The following AK4 variants were observed in gnomAD, a reference collection of about 807,000 sequenced individuals.
The protein encoded by AK4 is adenylate kinase 4.
In AK4, 13 loss-of-function variants were observed where a neutral mutation model predicts 24.6. That is an observed-to-expected ratio of 0.53 (90% CI 0.34 to 0.84). AK4 has a LOEUF of 0.84. AK4 is among the 40% of genes least tolerant of loss of function. AK4 has a pLI of 0.01. For missense variants in AK4, 192 were observed against 288.2 expected, an observed-to-expected ratio of 0.67 and a Z score of 2.42; for synonymous variants, 88 against 107.0, an observed-to-expected ratio of 0.82 and a Z score of 1.10.
intron 3 of AK4, among the ~76,000 whole-genome samples, chr1:65,219,788 C>G (rs1652241731): frequency 6.6e-6 from 1 of 152,150 alleles, no homozygotes; most frequent in Non-Finnish European, 1.5e-5. Context: ...TTTTTATAGT[C>G]TATGGATTTT....
rs1407056653 is a variant in AK4 at position 65,231,198 on chromosome 1, AT to A, written c.*5022del. 1.7e-4 allele frequency: 26 copies of A among 152,336 alleles called. No homozygotes were observed. Among genetic ancestry groups the A allele is most frequent in the African/African-American group, 6.0e-4 (25 of 41,584 alleles). 9.4% of individuals were successfully genotyped at this position (152,336 alleles called of 1,614,324 possible). A position where few individuals can be genotyped will look rare whatever the true frequency, so the allele number is the denominator to read the frequency against. On this transcript the variant is annotated 3_prime_UTR_variant, in exon 5 of 5. Coordinates refer to ENST00000327299, the MANE Select transcript of AK4 (RefSeq NM_013410.4). ...AAGCCATATTTCAACTGTGAAAAAA[AT>A]CTGCTTCCTGCATCTGTTGAAATAT...
At position 65,226,044 on chromosome 1, in the gene AK4, GT is replaced by G. The variant is rs753356079; in HGVS notation, c.558-17del. On this transcript the variant is annotated intron_variant, in intron 4 of 4. Coordinates refer to ENST00000327299, the MANE Select transcript of AK4 (RefSeq NM_013410.4). Reference sequence around the variant, plus strand: ...AAAGAAACCTAAAAAGCCATTGTATGTTGGGCTTTGTTTTTCAGGAGCCGAG... The same window carrying G: ...AAAGAAACCTAAAAAGCCATTGTATGTGGGCTTTGTTTTTCAGGAGCCGAG... 9.3e-6 allele frequency: 15 copies of G among 1,611,288 alleles called. No homozygotes were observed. The African/African-American group carries it at 1.6e-4, about 17-fold the overall frequency.
At chr1:65,203,505 A>G (rs1651726290) in intron 2 of AK4, among the ~76,000 whole-genome samples, 1 of 152,164 alleles carries the variant, frequency 6.6e-6, no homozygotes, top group African/African-American at 2.4e-5. Flanking sequence ...TGGGCAAAGC[A>G]TAAAACCACC....
intron 2 of AK4, among the ~76,000 whole-genome samples, chr1:65,192,700 C>G (rs143292978): frequency 7.2e-5 from 11 of 152,300 alleles, no homozygotes; most frequent in African/African-American, 2.4e-4. Context: ...CCTGTGAAAT[C>G]AAAGCAAGTC....
chr1:65,191,186 C>T (rs1218656603), intron 2 of AK4, among the ~76,000 whole-genome samples: 2 of 152,184 alleles, frequency 1.3e-5, no homozygotes, highest in African/African-American at 2.4e-5. Flanking sequence ...TATTTTTCAC[C>T]TGTCAGATTA....
rs990428854 is a variant in AK4 at position 65,230,758 on chromosome 1, T to A, written c.*4581T>A. 2.0e-5 allele frequency: 3 copies of A among 152,216 alleles called. No individual in the cohort carries two copies. Among genetic ancestry groups the A allele is most frequent in the Non-Finnish European group, 2.9e-5 (2 of 68,052 alleles). The allele number at this position is 152,216 out of a possible 1,614,324, so 9.4% of individuals were successfully genotyped here. On this transcript the variant is annotated 3_prime_UTR_variant, in exon 5 of 5. Coordinates refer to ENST00000327299, the MANE Select transcript of AK4 (RefSeq NM_013410.4). ...AGCCTGGAATCTGTTTTTGGTGCTT[T>A]GGTGCAGAGACAGGAAATGGGCACT...
Position 65,148,287 on chromosome 1 carries a change from G to T in AK4, c.-121G>T. On this transcript the variant is annotated 5_prime_UTR_variant, in exon 1 of 5. Transcript: ENST00000327299. ...CTCCTTCCCCCTGTAGGGGCGGCCGGCGAGTCCCAGTGAGAGCGGAGGGTG... is the reference window on the plus strand; with the variant it reads ...CTCCTTCCCCCTGTAGGGGCGGCCGTCGAGTCCCAGTGAGAGCGGAGGGTG... The T allele has an allele frequency of 1.5e-6, 2 of 1,361,242 alleles. No individual in the cohort carries two copies. Among genetic ancestry groups the T allele is most frequent in the South Asian group, 3.1e-5 (2 of 64,650 alleles). The allele number at this position is 1,361,242 out of a possible 1,614,324, so 84.3% of individuals were successfully genotyped here.
chr1:65,217,970 G>A (rs1259134687), intron 2 of AK4, among the ~76,000 whole-genome samples: 4 of 152,176 alleles, frequency 2.6e-5, no homozygotes, highest in Admixed American at 2.6e-4. Context: ...GATTACCACA[G>A]TTAGGTTTAA....
chr1:65,164,607 T>C (rs1050180827), intron 1 of AK4, among the ~76,000 whole-genome samples: 4 of 152,246 alleles, frequency 2.6e-5, no homozygotes, highest in Admixed American at 6.5e-5. Flanking sequence ...ATTTTAAAAT[T>C]GGCTCATTTG....
intron 1 of AK4, among the ~76,000 whole-genome samples, chr1:65,176,471 C>T (rs1398972494): frequency 1.1e-4 from 16 of 152,092 alleles, no homozygotes; most frequent in Non-Finnish European, 1.0e-4. Context: ...GTTCCCATCC[C>T]GACTCCACCT....
chr1:65,202,823 C>T (rs1651701276), intron 2 of AK4, among the ~76,000 whole-genome samples: 1 of 148,556 alleles, frequency 6.7e-6, no homozygotes, highest in South Asian at 2.1e-4. Context: ...GTTTATGAAT[C>T]AGACCTGAAT....
In AK4 at chr1:65,228,650, T is replaced by G. The variant is rs1186522185; in HGVS notation, c.*2473T>G. The G allele has an allele frequency of 1.3e-5, 2 of 152,218 alleles. No individual in the cohort carries two copies. Among genetic ancestry groups the G allele is most frequent in the African/African-American group, 4.8e-5 (2 of 41,454 alleles). The allele number at this position is 152,218 out of a possible 1,614,324, so 9.4% of individuals were successfully genotyped here. A position where few individuals can be genotyped will look rare whatever the true frequency, so the allele number is the denominator to read the frequency against. ...CTCACTAGTTTTCCCTTAAATGATA[T>G]TGTAAAAATTAAAGTAATCTTGAAA... On this transcript the variant is annotated 3_prime_UTR_variant, in exon 5 of 5. Transcript: ENST00000327299.
In AK4 at chr1:65,227,192, C is replaced by T. The variant is rs1422824892; in HGVS notation, c.*1015C>T. 2.3e-5 allele frequency: 3 copies of T among 128,286 alleles called. No homozygotes were observed. The highest frequency in any genetic ancestry group is 2.3e-4 in the East Asian group (1 of 4,444). The allele number at this position is 128,286 out of a possible 1,614,324, so 7.9% of individuals were successfully genotyped here. ...TAATTGAATAGTTAAGGTTTCTATT[C>T]GGGACAATAAAATGTATTTTGAAAG... On this transcript the variant is annotated 3_prime_UTR_variant, in exon 5 of 5. Transcript: ENST00000327299.
intron 3 of AK4, among the ~76,000 whole-genome samples, chr1:65,222,615 AAAG>A (rs1652331782): frequency 6.6e-6 from 1 of 152,238 alleles, no homozygotes; most frequent in African/African-American, 2.4e-5. Flanking sequence ...TAAGTAAAAT[AAAG>A]AAGGTGGCAA....
chr1:65,194,408 C>T (rs1219368214), intron 2 of AK4, among the ~76,000 whole-genome samples: 1 of 152,106 alleles, frequency 6.6e-6, no homozygotes, highest in Non-Finnish European at 1.5e-5. Flanking sequence ...TCTGAGATCT[C>T]ATCAGAATGG....
chr1:65,224,671 A>G (rs934860745), intron 3 of AK4, 81 bp from the exon 4 acceptor site: 8 of 1,046,078 alleles, frequency 7.6e-6, no homozygotes, highest in Non-Finnish European at 1.2e-5. Context: ...AGATGAATAC[A>G]TGGTTTTGCA....
intron 1 of AK4, among the ~76,000 whole-genome samples, chr1:65,174,620 G>GA (rs1401476825): frequency 6.6e-6 from 1 of 152,196 alleles, no homozygotes; most frequent in Non-Finnish European, 1.5e-5. Flanking sequence ...TTCACAAGGG[G>GA]AAAGGGGAAA....
At chr1:65,192,411 C>T (rs918096737) in intron 2 of AK4, among the ~76,000 whole-genome samples, 3 of 152,186 alleles carry the variant, frequency 2.0e-5, no homozygotes, top group Admixed American at 2.0e-4. Context: ...CCTTTGTGAC[C>T]TAATTACCTC....
At chr1:65,194,069 T>G (rs1222463201) in intron 2 of AK4, among the ~76,000 whole-genome samples, 1 of 152,206 alleles carries the variant, frequency 6.6e-6, no homozygotes, top group Non-Finnish European at 1.5e-5. Context: ...CCAGCCTGGA[T>G]GACAGAGTGA....
Sources: allele counts gnomAD v4.1 joint callset (sites outside exome capture counted in the v4.1 genomes callset), GRCh38; gene constraint gnomAD v4.1.1; transcripts MANE v1.5; gene names NCBI Gene and HGNC (gene_info 2026-07-23, HGNC 2026-07-21).